SLC38A1: variants seen among roughly 807,000 people sequenced by gnomAD.
SLC38A1 encodes sodium-coupled neutral amino acid symporter 1.
A neutral mutation model predicts 60.3 loss-of-function variants in SLC38A1; 18 were observed. That is an observed-to-expected ratio of 0.30 (90% confidence interval 0.21 to 0.44). SLC38A1 has a LOEUF of 0.44. Ranked by LOEUF, SLC38A1 falls within the 20% of genes least tolerant of loss-of-function variation. SLC38A1 has a pLI of 1.00. For synonymous variants in SLC38A1, 196 were observed against 212.1 expected (o/e 0.92, Z 0.66); for missense variants, 448 against 587.2 (o/e 0.76, Z 2.45).
chr12:46,228,083 C>T (rs1212200128), intron 5 of SLC38A1, among the ~76,000 whole-genome samples: 1 of 152,104 alleles, frequency 6.6e-6, no homozygotes, highest in East Asian at 1.9e-4. Flanking sequence ...AGAGAGGAGG[C>T]TAGAGTTAGG....
rs2137127112 is a variant in SLC38A1 at position 46,204,336 on chromosome 12, T to A, written c.787A>T (p.Thr263Ser). 6.2e-7 allele frequency: 1 copy of A among 1,613,262 alleles called. No homozygotes were observed. Among genetic ancestry groups the A allele is most frequent in the East Asian group, 2.2e-5 (1 of 44,806 alleles). Reference protein sequence around the residue: ...TISANSTNADTCTPKYVTFNS... With the variant: ...TISANSTNADSCTPKYVTFNS... ...AAGGTAACATATTTTGGCGTACACG[T>A]GTCAGCATTTGTTGAATTAGCACTT... Residue 263 changes from threonine to serine, a missense_variant, in exon 11 of 17, where the codon ACG becomes TCG. Transcript: ENST00000398637.
chr12:46,204,117 G>T (rs1939783299), intron 11 of SLC38A1, among the ~76,000 whole-genome samples, 184 bp downstream of exon 11: 1 of 152,194 alleles, frequency 6.6e-6, no homozygotes, highest in African/African-American at 2.4e-5. Flanking sequence ...TGGTAAGAGA[G>T]AGTGTAAAAT....
chr12:46,184,255 C>T lies in SLC38A1; in HGVS notation c.*4715G>A, dbSNP rs1469879158. 1 of 152,200 alleles carries T rather than the reference C, an allele frequency of 6.6e-6. No homozygotes were observed. The highest frequency in any genetic ancestry group is 1.5e-5 in the Non-Finnish European group (1 of 68,026). The allele number at this position is 152,200 out of a possible 1,614,324, so 9.4% of individuals were successfully genotyped here. A position where few individuals can be genotyped will look rare whatever the true frequency, so the allele number is the denominator to read the frequency against. On this transcript the variant is annotated 3_prime_UTR_variant, in exon 17 of 17. Coordinates refer to ENST00000398637, the MANE Select transcript of SLC38A1 (RefSeq NM_030674.4). ...TTCAGCTTGTACCTGAAAGCTTTATCTCGTTATAAATAATTCACTGTAATT... is the reference window on the plus strand; with the variant it reads ...TTCAGCTTGTACCTGAAAGCTTTATTTCGTTATAAATAATTCACTGTAATT...
chr12:46,198,515 A>T, intron 14 of SLC38A1, 110 bp downstream of exon 14: 1 of 683,286 alleles, frequency 1.5e-6, no homozygotes, highest in Non-Finnish European at 2.4e-6. Context: ...TGCAGATTCA[A>T]TAACCCAGGA....
chr12:46,190,292 G>A (rs1939093287), intron 16 of SLC38A1, among the ~76,000 whole-genome samples: 1 of 152,086 alleles, frequency 6.6e-6, no homozygotes, highest in South Asian at 2.1e-4. Flanking sequence ...GGCTGCATAC[G>A]ATTCCATGGT....
At chr12:46,258,051 T>C (rs1304299014) in intron 1 of SLC38A1, among the ~76,000 whole-genome samples, 1 of 152,232 alleles carries the variant, frequency 6.6e-6, no homozygotes, top group African/African-American at 2.4e-5. Flanking sequence ...CCATATAGGG[T>C]TCCTGACATT....
At position 46,183,614 on chromosome 12, in the gene SLC38A1, T is replaced by C. The variant is rs1049998193; in HGVS notation, c.*5356A>G. ...TTCTGTTTTCATATGTACTGTGTAG[T>C]GGTATCAGTGTTAAAAATGGAAGAT... On this transcript the variant is annotated 3_prime_UTR_variant, in exon 17 of 17. Coordinates refer to ENST00000398637, the MANE Select transcript of SLC38A1 (RefSeq NM_030674.4). 6.6e-6 allele frequency: 1 copy of C among 152,292 alleles called. No individual in the cohort carries two copies. The highest frequency in any genetic ancestry group is 2.1e-4 in the South Asian group (1 of 4,822). 9.4% of individuals were successfully genotyped at this position (152,292 alleles called of 1,614,324 possible). A position where few individuals can be genotyped will look rare whatever the true frequency, so the allele number is the denominator to read the frequency against.
In SLC38A1 at chr12:46,185,072, T is replaced by C. The variant is rs139250357; in HGVS notation, c.*3898A>G. 307 of 152,246 alleles carry C rather than the reference T, an allele frequency of 2.0e-3. No homozygotes were observed. Among genetic ancestry groups the C allele is most frequent in the African/African-American group, 7.0e-3 (292 of 41,528 alleles). 9.4% of individuals were successfully genotyped at this position (152,246 alleles called of 1,614,324 possible). The stretch of plus-strand genomic sequence containing the variant: ...GTTGCACCATGAGTCCTAGGAATCA[T>C]CTGGTGAGGGAGGACTAATGGGAAG... On this transcript the variant is annotated 3_prime_UTR_variant, in exon 17 of 17. Transcript: ENST00000398637.
intron 1 of SLC38A1, among the ~76,000 whole-genome samples, chr12:46,247,028 G>A (rs959025209): frequency 6.6e-6 from 1 of 152,118 alleles, no homozygotes; most frequent in African/African-American, 2.4e-5. Context: ...CCATCTGTAG[G>A]TCACCAACAT....
chr12:46,185,162 A>T lies in SLC38A1; in HGVS notation c.*3808T>A, dbSNP rs1419369061. Reference sequence around the variant, plus strand: ...TGATGCGCTTTAGAATCATTTGCTGAGTCCCTCCCTGAGAGCTTCTGACTT... The same window carrying T: ...TGATGCGCTTTAGAATCATTTGCTGTGTCCCTCCCTGAGAGCTTCTGACTT... On this transcript the variant is annotated 3_prime_UTR_variant, in exon 17 of 17. Transcript: ENST00000398637. 6.6e-6 allele frequency: 1 copy of T among 152,192 alleles called. No homozygotes were observed. The highest frequency in any genetic ancestry group is 2.4e-5 in the African/African-American group (1 of 41,414). The allele number at this position is 152,192 out of a possible 1,614,324, so 9.4% of individuals were successfully genotyped here. A position where few individuals can be genotyped will look rare whatever the true frequency, so the allele number is the denominator to read the frequency against.
At chr12:46,229,535 T>C (rs367780974) in intron 4 of SLC38A1, 29 bp downstream of exon 4, 6 of 1,527,854 alleles carry the variant, frequency 3.9e-6, no homozygotes, top group Non-Finnish European at 5.4e-6. Context: ...ATTAAAAAAA[T>C]AAGCATACTT....
rs1430273540 is a variant in SLC38A1, at chr12:46,268,888, G to T, written c.-571C>A. 1 of 455,934 alleles carries T rather than the reference G, an allele frequency of 2.2e-6. No individual in the cohort carries two copies. The highest frequency in any genetic ancestry group is 7.0e-5 in the East Asian group (1 of 14,342). 28.2% of individuals were successfully genotyped at this position (455,934 alleles called of 1,614,324 possible). The stretch of plus-strand genomic sequence containing the variant: ...ACATCGACATGCACCGGCGCTGAGG[G>T]TCACGAATCGGAGTCATTCTCCTAC... On this transcript the variant is annotated 5_prime_UTR_variant, in exon 1 of 17. Coordinates refer to ENST00000398637, the MANE Select transcript of SLC38A1 (RefSeq NM_030674.4). This position sits in a 1 kb window ranked among gnomAD's most constrained non-coding sequence, Gnocchi z 4.4.
At chr12:46,238,895 G>A (rs932661186) in intron 3 of SLC38A1, among the ~76,000 whole-genome samples, 1 of 152,078 alleles carries the variant, frequency 6.6e-6, no homozygotes, top group Non-Finnish European at 1.5e-5. Flanking sequence ...AGTCATTTGG[G>A]CTCAACCATT....
At chr12:46,190,592 C>T (rs759712008) in intron 16 of SLC38A1, among the ~76,000 whole-genome samples, 13 of 152,208 alleles carry the variant, frequency 8.5e-5, no homozygotes, top group African/African-American at 2.7e-4. Context: ...TCCTCTCCAG[C>T]GTCTGTTGTC....
In SLC38A1 at chr12:46,267,982, G is replaced by A. The variant is rs536731526; in HGVS notation, c.-209+544C>T. Among the ~76,000 whole-genome samples the A allele has an allele frequency of 3.9e-5, 6 of 152,308 alleles. No homozygotes were observed. In the East Asian group the frequency reaches 1.2e-3, roughly 29 times the overall value. ...TTACAGAGGGGCAGAGCACCAGGAA[G>A]GACGGCAAACATGCCCCGGTTTAGT... On this transcript the variant is annotated intron_variant, in intron 1 of 16. Coordinates refer to ENST00000398637, the MANE Select transcript of SLC38A1 (RefSeq NM_030674.4).
intron 2 of SLC38A1, among the ~76,000 whole-genome samples, chr12:46,241,940 G>T (rs1362989169): frequency 6.6e-6 from 1 of 152,062 alleles, no homozygotes; most frequent in Non-Finnish European, 1.5e-5. Flanking sequence ...AGGAAATAGG[G>T]CACCAGACAA....
rs1425382400 is a variant in SLC38A1 at position 46,198,076 on chromosome 12, A to G, written c.1123-16T>C. The G allele has an allele frequency of 5.6e-6, 9 of 1,612,432 alleles. No individual in the cohort carries two copies. Among genetic ancestry groups the G allele is most frequent in the South Asian group, 1.1e-5 (1 of 90,976 alleles). On this transcript the variant is annotated splice_polypyrimidine_tract_variant and intron_variant, in intron 14 of 16. Transcript: ENST00000398637. The stretch of plus-strand genomic sequence containing the variant: ...ATGAACGAACCTGCAAGAAAAGAAA[A>G]CAAAGATTCTGTAAGTGCCTACAGC...
chr12:46,206,141 G>C lies in SLC38A1; in HGVS notation c.585C>G (p.Arg195=), dbSNP rs373851959. The change falls in exon 9 of 17, where the codon CGC becomes CGG. Residue 195 remains arginine (R), a synonymous_variant. Coordinates refer to ENST00000398637, the MANE Select transcript of SLC38A1 (RefSeq NM_030674.4). ...ETFSAWYVDG[R]VLVVIVTFGI... ...CAAAGGTAACTATCACCACCAGAAC[G>C]CGGCCATCCACGTACCAGGCTCTGA... 6.2e-7 allele frequency: 1 copy of C among 1,609,896 alleles called. No individual in the cohort carries two copies. The highest frequency in any genetic ancestry group is 1.3e-5 in the African/African-American group (1 of 74,826).
chr12:46,213,154 A>G (rs1940250469), intron 5 of SLC38A1, among the ~76,000 whole-genome samples: 2 of 152,234 alleles, frequency 1.3e-5, no homozygotes, highest in Admixed American at 1.3e-4. Flanking sequence ...GATTTGGTCC[A>G]AACAGCGCAA....
Sources: allele counts gnomAD v4.1 joint callset (sites outside exome capture counted in the v4.1 genomes callset), GRCh38; gene constraint gnomAD v4.1.1; non-coding constraint Gnocchi (gnomAD v3.1); transcripts MANE v1.5; gene names NCBI Gene and HGNC (gene_info 2026-07-23, HGNC 2026-07-21).